The following TP73 variants were observed in gnomAD, a reference collection of about 807,000 sequenced individuals.
TP73 encodes tumor protein p73, also known as p53-like transcription factor.
TP73 carries 25 observed loss-of-function variants against 62.5 expected under a neutral mutation model. That is an observed-to-expected ratio of 0.40 (90% CI 0.29 to 0.56). The LOEUF is 0.56. Ranked by LOEUF, TP73 falls within the 20% of genes least tolerant of loss-of-function variation. TP73 has a pLI of 0.46. For missense variants in TP73, 754 were observed against 913.3 expected, an observed-to-expected ratio of 0.83 and a Z score of 2.25; for synonymous variants, 423 against 377.5, an observed-to-expected ratio of 1.12 and a Z score of -1.40.
At chr1:3,708,613 AC>A (rs1639872203) in intron 4 of TP73, 2 of 152,228 alleles carry the variant, frequency 1.3e-5, no homozygotes, top group Admixed American at 6.5e-5. Context: ...TGTATTCCTA[AC>A]CACTGAGCTG....
intron 5 of TP73, 131 bp from the exon 6 acceptor site, chr1:3,723,223 G>A (rs551708284): frequency 1.4e-6 from 1 of 697,348 alleles, no homozygotes; most frequent in Non-Finnish European, 2.6e-6. Context: ...GCACGGGGCT[G>A]GGTACCTCTC....
intron 1 of TP73, among the ~76,000 whole-genome samples, chr1:3,655,377 ACT>A (rs1644844335): frequency 6.6e-6 from 1 of 152,076 alleles, no homozygotes; most frequent in African/African-American, 2.4e-5. Context: ...ACAGAGCGAG[ACT>A]CTGTCTCAAA....
At chr1:3,682,940 G>A in intron 2 of TP73, 120 bp from the exon 3 acceptor site, 1 of 1,350,590 alleles carries the variant, frequency 7.4e-7, no homozygotes, top group Non-Finnish European at 1.0e-6. Flanking sequence ...GGAATGGGAA[G>A]GGCAGGAGAC....
chr1:3,704,404 T>C (rs1025612953), intron 3 of TP73, among the ~76,000 whole-genome samples: 2 of 152,134 alleles, frequency 1.3e-5, no homozygotes, highest in African/African-American at 4.8e-5. Flanking sequence ...ACCCCCACCC[T>C]GTGTGGCCAG....
In TP73 at chr1:3,722,211, A is replaced by G; in HGVS notation, c.616+4A>G. On this transcript the variant is annotated splice_donor_region_variant and intron_variant, in intron 5 of 13. Transcript: ENST00000378295. ...CTCGGGAGGGACTTCAACGAAGGTGAGGGCCCCCAGCTCCTCTGCCCACGG... is the reference window on the plus strand; with the variant it reads ...CTCGGGAGGGACTTCAACGAAGGTGGGGGCCCCCAGCTCCTCTGCCCACGG... The G allele has an allele frequency of 6.2e-7, 1 of 1,612,374 alleles. No homozygotes were observed. Among genetic ancestry groups the G allele is most frequent in the Non-Finnish European group, 8.5e-7 (1 of 1,179,718 alleles).
Position 3,730,036 on chromosome 1 carries a change from C to T in TP73, c.1233C>T (p.Leu411=). The T allele has an allele frequency of 6.2e-7, 1 of 1,610,124 alleles. No homozygotes were observed. Among genetic ancestry groups the T allele is most frequent in the South Asian group, 1.1e-5 (1 of 90,572 alleles). Residue 411 remains leucine (L), a synonymous_variant, in exon 11 of 14, where the codon CTC becomes CTT. Coordinates refer to ENST00000378295, the MANE Select transcript of TP73 (RefSeq NM_005427.4). ...AGCCCCCGTCCTACGGGCCGGTCCTCTCGCCCATGAACAAGGTGCACGGGG... is the reference window on the plus strand; with the variant it reads ...AGCCCCCGTCCTACGGGCCGGTCCTTTCGCCCATGAACAAGGTGCACGGGG... The part of the protein sequence containing the change: ...HLQPPSYGPV[L]SPMNKVHGGM...
rs1285081077 is a variant in TP73 at position 3,734,172 on chromosome 1, G to A, written c.*1093G>A. On this transcript the variant is annotated 3_prime_UTR_variant, in exon 14 of 14. Transcript: ENST00000378295. The surrounding 1 kb of genome is among the most constrained non-coding windows in gnomAD (Gnocchi z 4.4). ...TTCTCTAGCACTGCAAGGTCCACAG[G>A]GCATTGCTTTCCTTTCTAGGCGGTG... 6.6e-6 allele frequency: 1 copy of A among 152,304 alleles called. No homozygotes were observed. The highest frequency in any genetic ancestry group is 6.5e-5 in the Admixed American group (1 of 15,282). The allele number at this position is 152,304 out of a possible 1,614,324, so 9.4% of individuals were successfully genotyped here.
At chr1:3,730,378 G>A (rs1477565010) in intron 11 of TP73, among the ~76,000 whole-genome samples, 2 of 152,240 alleles carry the variant, frequency 1.3e-5, no homozygotes, top group Non-Finnish European at 2.9e-5. Flanking sequence ...GAACCCACAT[G>A]CATGCACTGC....
intron 12 of TP73, 121 bp from the exon 13 acceptor site, chr1:3,731,342 G>C: frequency 9.0e-7 from 1 of 1,107,724 alleles, no homozygotes; most frequent in Non-Finnish European, 1.3e-6. Flanking sequence ...CTGTGGGCTG[G>C]AGCCACCCTT....
chr1:3,727,074 C>T (rs1480992162), intron 6 of TP73, 41 bp from the exon 7 acceptor site: 6 of 1,557,384 alleles, frequency 3.9e-6, no homozygotes, highest in African/African-American at 2.7e-5. Flanking sequence ...ATTGGGGCTG[C>T]GTGCTGATGC....
At chr1:3,722,970 G>A (rs757651972) in intron 5 of TP73, among the ~76,000 whole-genome samples, 1 of 146,538 alleles carries the variant, frequency 6.8e-6, no homozygotes, top group African/African-American at 2.6e-5. Context: ...CTGGCACAGG[G>A]CTGGGCACCT....
chr1:3,679,148 C>T (rs1186489197), intron 1 of TP73, among the ~76,000 whole-genome samples: 7 of 152,318 alleles, frequency 4.6e-5, no homozygotes, highest in East Asian at 1.9e-4. Context: ...GGCAGAGGCG[C>T]GCTGACAAGA....
At chr1:3,684,115 C>T (rs1419851253) in intron 3 of TP73, among the ~76,000 whole-genome samples, 1 of 152,228 alleles carries the variant, frequency 6.6e-6, no homozygotes, top group African/African-American at 2.4e-5. Flanking sequence ...GGCAGGTGGG[C>T]ACCACACGTG....
intron 4 of TP73, among the ~76,000 whole-genome samples, chr1:3,710,113 G>A (rs1197110760): frequency 1.3e-5 from 2 of 151,668 alleles, no homozygotes; most frequent in South Asian, 2.1e-4. Flanking sequence ...CTGCACCAGC[G>A]GGAGGGGAAA....
chr1:3,731,394 G>C, intron 12 of TP73, 69 bp from the exon 13 acceptor site: 2 of 1,504,042 alleles, frequency 1.3e-6, no homozygotes, highest in Non-Finnish European at 1.8e-6. Context: ...GCCACTCTCA[G>C]AGATGGGGGC....
In TP73 at chr1:3,696,906, G is replaced by A. The variant is rs1373979689; in HGVS notation, c.187-10643G>A. On this transcript the variant is annotated intron_variant, in intron 3 of 13. Coordinates refer to ENST00000378295, the MANE Select transcript of TP73 (RefSeq NM_005427.4). This position sits in a 1 kb window ranked among gnomAD's most constrained non-coding sequence, Gnocchi z 4.1. ...CGCCTCCGGCCCCCCTGCCACCCTC[G>A]GCCAGCTGCTATTTCTGTCTCCTTT... Among the ~76,000 whole-genome samples the A allele has an allele frequency of 5.9e-5, 9 of 152,098 alleles. No individual in the cohort carries two copies. Among genetic ancestry groups the A allele is most frequent in the Non-Finnish European group, 8.8e-5 (6 of 68,010 alleles).
chr1:3,696,062 G>A lies in TP73; in HGVS notation c.187-11487G>A, dbSNP rs1261731851. The stretch of plus-strand genomic sequence containing the variant: ...GCCATTGCATAGCTGAGAAGGAGCC[G>A]CATGCAGGGAGGAGGACGACGAGCG... On this transcript the variant is annotated intron_variant, in intron 3 of 13. Coordinates refer to ENST00000378295, the MANE Select transcript of TP73 (RefSeq NM_005427.4). This position sits in a 1 kb window ranked among gnomAD's most constrained non-coding sequence, Gnocchi z 4.1. Among the ~76,000 whole-genome samples, 1 of 152,212 alleles carries A rather than the reference G, an allele frequency of 6.6e-6. No homozygotes were observed. The highest frequency in any genetic ancestry group is 1.5e-5 in the Non-Finnish European group (1 of 68,040).
chr1:3,695,643 C>T (rs1638578799), intron 3 of TP73, among the ~76,000 whole-genome samples: 1 of 152,264 alleles, frequency 6.6e-6, no homozygotes, highest in Admixed American at 6.5e-5. Context: ...GCAGGATGGG[C>T]CTCCAGGACA....
intron 4 of TP73, among the ~76,000 whole-genome samples, chr1:3,715,818 C>T (rs1640547840): frequency 6.6e-6 from 1 of 152,220 alleles, no homozygotes; most frequent in African/African-American, 2.4e-5. Flanking sequence ...GAGACAAAGC[C>T]ACCAAGTCTA....
Sources: allele counts gnomAD v4.1 joint callset (sites outside exome capture counted in the v4.1 genomes callset), GRCh38; gene constraint gnomAD v4.1.1; non-coding constraint Gnocchi (gnomAD v3.1); transcripts MANE v1.5; gene names NCBI Gene and HGNC (gene_info 2026-07-23, HGNC 2026-07-21).